Variants in PPEF1 observed in about 807,000 individuals in gnomAD.
PPEF1 encodes serine/threonine-protein phosphatase with EF-hands 1.
Under a neutral mutation model 53.3 loss-of-function variants are expected in PPEF1, and 12 were observed. The observed-to-expected ratio is 0.23, with a 90% CI of 0.14 to 0.36. PPEF1 has a LOEUF of 0.36. PPEF1 is among the 10% of genes least tolerant of loss of function. PPEF1 has a pLI of 1.00. For missense variants in PPEF1, 334 were observed against 490.4 expected (o/e 0.68, Z 3.01); for synonymous variants, 165 against 176.7 (o/e 0.93, Z 0.52).
chrX:18,812,850 C>T (rs146148350), intron 12 of PPEF1, among the ~76,000 whole-genome samples: 3,596 of 109,056 alleles, frequency 0.033, 155 homozygotes, highest in African/African-American at 0.11. Context: ...CTCACTGCAC[C>T]CTCAAATTCC....
chrX:18,707,171 A>G (rs1471128430), upstream of PPEF1, among the ~76,000 whole-genome samples: 1 of 111,191 alleles, frequency 9.0e-6, no homozygotes, highest in Non-Finnish European at 1.9e-5. Flanking sequence ...ATTCCGCGAA[A>G]TACTGTCAAA....
At chrX:18,682,147 G>A (rs765478006), upstream of PPEF1, among the ~76,000 whole-genome samples, 2 of 112,727 alleles carry the variant, frequency 1.8e-5, no homozygotes, top group East Asian at 5.6e-4. Context: ...CTGCACCAGC[G>A]CAGGTGCGCA....
At chrX:18,810,074 C>CTG (rs1356122874) in intron 12 of PPEF1, among the ~76,000 whole-genome samples, 23 of 57,633 alleles carry the variant, frequency 4.0e-4, no homozygotes, top group African/African-American at 1.3e-3. Context: ...GGAAAAAATC[C>CTG]TCTGTGTGTG....
At chrX:18,748,427 G>A (rs2045372373) in intron 3 of PPEF1, among the ~76,000 whole-genome samples, 1 of 112,513 alleles carries the variant, frequency 8.9e-6, no homozygotes, top group Non-Finnish European at 1.9e-5. Flanking sequence ...TGTTTGCAGA[G>A]AACTTCTGAA....
intron 5 of PPEF1, among the ~76,000 whole-genome samples, chrX:18,760,118 C>G (rs962699677): frequency 9.0e-6 from 1 of 111,043 alleles, no homozygotes; most frequent in Non-Finnish European, 1.9e-5. Flanking sequence ...TCCTGAGTAG[C>G]TGGGATTACA....
At chrX:18,763,941 C>T (rs2045716091) in intron 6 of PPEF1, among the ~76,000 whole-genome samples, 2 of 110,909 alleles carry the variant, frequency 1.8e-5, no homozygotes, top group South Asian at 3.8e-4. Context: ...GGCAGGGAGC[C>T]GAGGGGGCTG....
chrX:18,763,308 C>T (rs971089826), intron 6 of PPEF1, among the ~76,000 whole-genome samples: 7 of 111,312 alleles, frequency 6.3e-5, no homozygotes. Context: ...CTTCACATCC[C>T]CAGTAAAACT....
At chrX:18,814,570 G>C (rs1475967177) in intron 12 of PPEF1, among the ~76,000 whole-genome samples, 1 of 111,810 alleles carries the variant, frequency 8.9e-6, no homozygotes, top group Non-Finnish European at 1.9e-5. Flanking sequence ...TTGTGGTTTT[G>C]ATTTGCATTG....
chrX:18,705,952 T>C (rs1268139238), upstream of PPEF1, among the ~76,000 whole-genome samples: 1 of 110,922 alleles, frequency 9.0e-6, no homozygotes, highest in Non-Finnish European at 1.9e-5. Flanking sequence ...GTCAGTTGTT[T>C]GCTGACTTTG....
intron 13 of PPEF1, among the ~76,000 whole-genome samples, chrX:18,819,091 C>T (rs1180625011): frequency 1.8e-5 from 2 of 111,420 alleles, no homozygotes; most frequent in East Asian, 2.8e-4. Context: ...TGGCCACTCA[C>T]GTATCCAGAG....
intron 6 of PPEF1, among the ~76,000 whole-genome samples, chrX:18,778,030 C>A: frequency 9.0e-6 from 1 of 111,593 alleles, no homozygotes; most frequent in Non-Finnish European, 1.9e-5. Context: ...AAGGTATGAA[C>A]CACCATGCCT....
At chrX:18,814,663 C>A (rs1723959110) in intron 12 of PPEF1, among the ~76,000 whole-genome samples, 2 of 111,388 alleles carry the variant, frequency 1.8e-5, no homozygotes, top group African/African-American at 6.5e-5. Flanking sequence ...TTGTTCATAT[C>A]CTTTGCCCGC....
At chrX:18,738,203 C>T (rs1351514729) in intron 3 of PPEF1, among the ~76,000 whole-genome samples, 2 of 111,657 alleles carry the variant, frequency 1.8e-5, no homozygotes, top group Admixed American at 9.6e-5. Flanking sequence ...TTAGTTGATG[C>T]AGTTTCTTCC....
At chrX:18,802,550 G>C (rs1022687851) in intron 10 of PPEF1, among the ~76,000 whole-genome samples, 1 of 111,765 alleles carries the variant, frequency 8.9e-6, no homozygotes, top group African/African-American at 3.2e-5. Flanking sequence ...TTACCATCGA[G>C]GGGGGAAAAG....
At chrX:18,731,488 G>C (rs747444802) in intron 2 of PPEF1, among the ~76,000 whole-genome samples, 2 of 112,321 alleles carry the variant, frequency 1.8e-5, no homozygotes, top group African/African-American at 6.5e-5. Context: ...CTCAGCATAG[G>C]CTGTCTTTCT....
chrX:18,716,151 T>G (rs1418340500), intron 1 of PPEF1, among the ~76,000 whole-genome samples: 1 of 112,221 alleles, frequency 8.9e-6, no homozygotes, highest in African/African-American at 3.2e-5. Context: ...ATTCTTTATT[T>G]TATATGAAAA....
chrX:18,681,453 A>G (rs1482969972), upstream of PPEF1, among the ~76,000 whole-genome samples: 1 of 111,671 alleles, frequency 9.0e-6, no homozygotes, highest in African/African-American at 3.3e-5. Context: ...CTTGAAAACA[A>G]TGTGTCAGTG....
At chrX:18,806,941 A>C (rs1361954086) in intron 12 of PPEF1, among the ~76,000 whole-genome samples, 1 of 110,876 alleles carries the variant, frequency 9.0e-6, no homozygotes, top group East Asian at 2.8e-4. Flanking sequence ...TCTCCATGTG[A>C]TGGCATTTGT....
At chrX:18,770,631 G>A (rs1231178938) in intron 6 of PPEF1, among the ~76,000 whole-genome samples, 2 of 111,414 alleles carry the variant, frequency 1.8e-5, no homozygotes, top group Non-Finnish European at 3.8e-5. Context: ...ATTACTATTT[G>A]GGGCTTAAAA....
Sources: allele counts gnomAD v4.1 joint callset (sites outside exome capture counted in the v4.1 genomes callset), GRCh38; gene constraint gnomAD v4.1.1; transcripts MANE v1.5; gene names NCBI Gene and HGNC (gene_info 2026-07-23, HGNC 2026-07-21).